The following FRY variants were observed in gnomAD, a reference collection of about 807,000 sequenced individuals.
FRY encodes FRY microtubule binding protein, also known as protein furry homolog.
In FRY, 128 loss-of-function variants were observed where a neutral mutation model predicts 348.4. That is an observed-to-expected ratio of 0.37 (90% CI 0.32 to 0.43). The LOEUF is 0.43. Ranked by LOEUF, FRY falls within the 20% of genes least tolerant of loss-of-function variation. The probability of loss-of-function intolerance (pLI) is 1.00; values close to 1 mark genes in which losing one functional copy is unlikely to be tolerated. For missense variants in FRY, 2,736 were observed against 3,695.2 expected (o/e 0.74, Z 6.73); for synonymous variants, 1,370 against 1,374.7 (o/e 1.00, Z 0.08).
At chr13:32,137,724 G>C (rs907782020) in intron 11 of FRY, among the ~76,000 whole-genome samples, 5 of 152,222 alleles carry the variant, frequency 3.3e-5, no homozygotes, top group African/African-American at 1.2e-4. Flanking sequence ...GTTCTTGGTT[G>C]TGTCCAAAGA....
Position 32,178,872 on chromosome 13 carries a change from A to C in FRY, c.2710A>C (p.Thr904Pro). ...NSPINAKKTS[T>P]AGSGDNYVTL... is the part of the protein sequence containing the mutation. The stretch of plus-strand genomic sequence containing the variant: ...CCCAATTAATGCCAAGAAAACCAGC[A>C]CTGCCGGCAGCGGAGACAACTATGT... The change falls in exon 22 of 61, where the codon ACT becomes CCT. Residue 904 changes from threonine (T) to proline (P), a missense_variant. This residue lies in a region of FRY where 449 missense variants were observed against 576.9 expected (regional missense o/e 0.78). Transcript: ENST00000542859. The C allele has an allele frequency of 3.1e-6, 5 of 1,613,662 alleles. No individual in the cohort carries two copies. The highest frequency in any genetic ancestry group is 4.2e-6 in the Non-Finnish European group (5 of 1,179,536).
intron 29 of FRY, among the ~76,000 whole-genome samples, chr13:32,198,242 G>A (rs1490838777): frequency 2.0e-5 from 3 of 152,094 alleles, no homozygotes; most frequent in East Asian, 1.9e-4. Flanking sequence ...CCCCTTTCCT[G>A]CCTTTAAATC....
At chr13:32,153,406 G>A (rs1007800713) in intron 14 of FRY, among the ~76,000 whole-genome samples, 8 of 152,064 alleles carry the variant, frequency 5.3e-5, no homozygotes, top group Middle Eastern at 3.2e-3. Context: ...CATCTCAAAA[G>A]CATTGTGCTC....
Position 32,237,688 on chromosome 13 carries a change from G to T in FRY, c.6120G>T (p.Leu2040=). 1 of 1,614,118 alleles carries T rather than the reference G, an allele frequency of 6.2e-7. No homozygotes were observed. The change falls in exon 44 of 61, where the codon CTG becomes CTT. Residue 2040 remains leucine (L), a synonymous_variant. Transcript: ENST00000542859. The surrounding 1 kb of genome is among the most constrained non-coding windows in gnomAD (Gnocchi z 6.3). ...DPSHINHPTN[L]LATIFWVTVA... ...CCCACATAAACCATCCCACCAACCT[G>T]CTGGCCACCATATTCTGGGTCACAG... is the stretch of plus-strand genomic sequence containing the variant.
rs1216970555 is a variant in FRY at position 32,298,922 on chromosome 13, G to A, written c.*3462G>A. ...CAAGATGGGAAGCCACTGAATGTTT[G>A]CGGGCAGGGTAGTGACATGCTGTGA... On this transcript the variant is annotated 3_prime_UTR_variant, in exon 61 of 61. Transcript: ENST00000542859. The A allele has an allele frequency of 6.6e-6, 1 of 152,240 alleles. No individual in the cohort carries two copies. Among genetic ancestry groups the A allele is most frequent in the African/African-American group, 2.4e-5 (1 of 41,452 alleles). The allele number at this position is 152,240 out of a possible 1,614,324, so 9.4% of individuals were successfully genotyped here.
chr13:32,285,271 T>G (rs1888989895), intron 58 of FRY, among the ~76,000 whole-genome samples: 1 of 152,172 alleles, frequency 6.6e-6, no homozygotes, highest in Non-Finnish European at 1.5e-5. Flanking sequence ...ATTTTAATAA[T>G]TTCCATAAAA....
intron 14 of FRY, 67 bp from the exon 15 acceptor site, chr13:32,155,424 C>A: frequency 4.4e-6 from 5 of 1,142,168 alleles, no homozygotes; most frequent in Admixed American, 1.7e-5. Flanking sequence ...ATCTGAAAGA[C>A]TTATGGATGT....
chr13:32,282,072 G>C (rs928240669), intron 58 of FRY, among the ~76,000 whole-genome samples: 1 of 152,178 alleles, frequency 6.6e-6, no homozygotes, highest in Non-Finnish European at 1.5e-5. Flanking sequence ...CCTTGAGGAG[G>C]AATGATGGTG....
chr13:32,206,896 G>C (rs543414523), intron 31 of FRY, among the ~76,000 whole-genome samples: 2 of 152,226 alleles, frequency 1.3e-5, no homozygotes, highest in Admixed American at 1.3e-4. Flanking sequence ...AATTGTTCAG[G>C]TCCACTGAAC....
intron 11 of FRY, among the ~76,000 whole-genome samples, chr13:32,143,305 A>T (rs1017326189): frequency 6.6e-6 from 1 of 152,226 alleles, no homozygotes; most frequent in Non-Finnish European, 1.5e-5. Context: ...AGTTGCAATG[A>T]TCTGATATCA....
At position 32,237,856 on chromosome 13, in the gene FRY, C is replaced by T. The variant is rs1307215165; in HGVS notation, c.6288C>T (p.Asp2096=). The T allele has an allele frequency of 3.1e-6, 5 of 1,614,068 alleles. No individual in the cohort carries two copies. Among genetic ancestry groups the T allele is most frequent in the African/African-American group, 2.7e-5 (2 of 74,928 alleles). ...TCCAGGCACAGCTGAAGTGGGCCGA[C>T]TTCTCCGGGCTGCAGCAGCTGCTGC... is the stretch of plus-strand genomic sequence containing the variant. The part of the protein sequence containing the change: ...EKLQAQLKWA[D]FSGLQQLLLK... The change falls in exon 44 of 61, where the codon GAC becomes GAT. Residue 2096 remains aspartate, a synonymous_variant. Transcript: ENST00000542859. This position sits in a 1 kb window ranked among gnomAD's most constrained non-coding sequence, Gnocchi z 6.3.
intron 13 of FRY, among the ~76,000 whole-genome samples, chr13:32,149,069 T>C (rs1441310234): frequency 1.3e-5 from 2 of 148,452 alleles, no homozygotes; most frequent in African/African-American, 4.9e-5. Flanking sequence ...ATACCTGATA[T>C]ATTTATATAT....
At chr13:32,230,126 C>T (rs972494024) in intron 40 of FRY, among the ~76,000 whole-genome samples, 3 of 152,170 alleles carry the variant, frequency 2.0e-5, no homozygotes, top group African/African-American at 2.4e-5. Flanking sequence ...CATAGGTAAA[C>T]GTGTGTCAAG....
intron 7 of FRY, among the ~76,000 whole-genome samples, chr13:32,130,630 T>G (rs1283574182): frequency 6.6e-6 from 1 of 152,132 alleles, no homozygotes; most frequent in East Asian, 1.9e-4. Context: ...TTTACAAACA[T>G]GGATGATAAT....
intron 29 of FRY, among the ~76,000 whole-genome samples, chr13:32,198,512 G>A (rs1883820835): frequency 6.6e-6 from 1 of 152,180 alleles, no homozygotes; most frequent in Non-Finnish European, 1.5e-5. Flanking sequence ...GAGCATTGTA[G>A]GTAAGAGCTT....
At chr13:32,112,110 T>C (rs559681583) in intron 3 of FRY, among the ~76,000 whole-genome samples, 1 of 152,296 alleles carries the variant, frequency 6.6e-6, no homozygotes, top group Admixed American at 6.5e-5. Context: ...ACGGGATAGG[T>C]GGGGCTTTTC....
intron 2 of FRY, among the ~76,000 whole-genome samples, chr13:32,097,538 T>C (rs1876825891): frequency 6.6e-6 from 1 of 151,888 alleles, no homozygotes; most frequent in African/African-American, 2.4e-5. Context: ...TTTTTGTGTT[T>C]TTAGTAGAGA....
intron 17 of FRY, among the ~76,000 whole-genome samples, chr13:32,169,087 A>G (rs540420432): frequency 1.3e-5 from 2 of 152,282 alleles, no homozygotes; most frequent in South Asian, 2.1e-4. Flanking sequence ...TGACTCTGCC[A>G]TGTTCCGCCA....
chr13:32,226,013 C>T (rs754537554), intron 39 of FRY, 39 bp downstream of exon 39: 1 of 1,582,452 alleles, frequency 6.3e-7, no homozygotes, highest in African/African-American at 1.3e-5. Flanking sequence ...AGGACAGTTA[C>T]AAATGCAGAG....
Sources: gnomAD v4.1 joint callset for allele counts (sites outside exome capture counted in the v4.1 genomes callset) on GRCh38, gnomAD v4.1.1 for gene constraint, gnomAD v4.1.1 regional missense constraint, Gnocchi (gnomAD v3.1) non-coding constraint, MANE v1.5 for transcripts, NCBI Gene and HGNC (gene_info 2026-07-23, HGNC 2026-07-21) for gene names.